TNFSF4: variants seen among roughly 807,000 people sequenced by gnomAD.
TNFSF4 encodes TNF superfamily member 4.
Under a neutral mutation model 7.3 loss-of-function variants are expected in TNFSF4, and 4 were observed. That is an observed-to-expected ratio of 0.55 (90% CI 0.27 to 1.25). The LOEUF (loss-of-function observed/expected upper bound fraction) is 1.25. Ranked by LOEUF, TNFSF4 falls within the 50% of genes most tolerant of loss-of-function variation. The pLI is 0.12. For missense variants in TNFSF4, 181 were observed against 208.8 expected (o/e 0.87, Z 0.82); for synonymous variants, 76 against 83.7 (o/e 0.91, Z 0.50).
the TNFSF4 span, among the ~76,000 whole-genome samples, chr1:173,298,592 C>A: frequency 6.6e-6 from 1 of 152,010 alleles, no homozygotes; most frequent in South Asian, 2.1e-4. Context: ...GCACTACTCT[C>A]AAATTTCAGG....
At chr1:173,434,669 C>T in the TNFSF4 span, among the ~76,000 whole-genome samples, 1 of 152,112 alleles carries the variant, frequency 6.6e-6, no homozygotes, top group Admixed American at 6.5e-5. Flanking sequence ...GCAAGGTATT[C>T]GATGCCATGG....
the TNFSF4 span, among the ~76,000 whole-genome samples, chr1:173,305,467 C>T: frequency 6.6e-6 from 1 of 151,812 alleles, no homozygotes; most frequent in Non-Finnish European, 1.5e-5. Flanking sequence ...TTGTGAAAGG[C>T]AGGCTTGGCC....
the TNFSF4 span, among the ~76,000 whole-genome samples, chr1:173,441,415 G>C: frequency 2.6e-5 from 4 of 152,266 alleles, no homozygotes; most frequent in South Asian, 8.3e-4. Flanking sequence ...CTGAGCTCAA[G>C]AGTTTGAGAC....
the TNFSF4 span, among the ~76,000 whole-genome samples, chr1:173,322,230 T>A: frequency 1.9e-4 from 29 of 151,930 alleles, no homozygotes; most frequent in Non-Finnish European, 3.7e-4. Context: ...AAACCAAACA[T>A]GACATATTCT....
chr1:173,289,836 A>G, the TNFSF4 span, among the ~76,000 whole-genome samples: 12 of 152,146 alleles, frequency 7.9e-5, 1 homozygote, highest in Non-Finnish European at 5.9e-5. Flanking sequence ...ACCTAAACCT[A>G]AGTACCAAGA....
At chr1:173,315,475 C>T in the TNFSF4 span, among the ~76,000 whole-genome samples, 3 of 151,896 alleles carry the variant, frequency 2.0e-5, no homozygotes, top group Non-Finnish European at 4.4e-5. Flanking sequence ...TTATGTTAAC[C>T]ACAGCCTGCT....
chr1:173,312,927 C>T, the TNFSF4 span, among the ~76,000 whole-genome samples: 1 of 152,096 alleles, frequency 6.6e-6, no homozygotes, highest in Non-Finnish European at 1.5e-5. Flanking sequence ...CAGATAAATA[C>T]TAGCTCTTTT....
the TNFSF4 span, among the ~76,000 whole-genome samples, chr1:173,341,143 G>T: frequency 6.6e-6 from 1 of 152,158 alleles, no homozygotes; most frequent in Non-Finnish European, 1.5e-5. Context: ...CCCCAGCCAT[G>T]CTGTACTGTG....
the TNFSF4 span, among the ~76,000 whole-genome samples, chr1:173,297,183 C>G: frequency 2.6e-5 from 4 of 151,946 alleles, no homozygotes; most frequent in Admixed American, 6.6e-5. Context: ...GCCAGCCTAT[C>G]CTTAGGGAGA....
At chr1:173,320,171 G>T in the TNFSF4 span, among the ~76,000 whole-genome samples, 1 of 152,164 alleles carries the variant, frequency 6.6e-6, no homozygotes, top group African/African-American at 2.4e-5. Context: ...TGCAAGGCTG[G>T]TTCAACACAC....
chr1:173,362,565 C>T, the TNFSF4 span: 1 of 532,822 alleles, frequency 1.9e-6, no homozygotes, highest in South Asian at 1.5e-5. Flanking sequence ...CCGATTCTCA[C>T]ACTAAGTTGT....
At chr1:173,262,301 C>T in the TNFSF4 span, among the ~76,000 whole-genome samples, 1 of 152,140 alleles carries the variant, frequency 6.6e-6, no homozygotes, top group Admixed American at 6.5e-5. Context: ...TAAAAACTCT[C>T]AATAAAATAG....
the TNFSF4 span, among the ~76,000 whole-genome samples, chr1:173,214,819 A>C: frequency 6.6e-6 from 1 of 152,072 alleles, no homozygotes; most frequent in Non-Finnish European, 1.5e-5. Context: ...TCCTGCGAAC[A>C]CTCTGCCTGG....
the TNFSF4 span, among the ~76,000 whole-genome samples, chr1:173,400,061 G>A: frequency 2.6e-5 from 4 of 152,338 alleles, no homozygotes; most frequent in Admixed American, 2.0e-4. Context: ...ACGCTTTTGC[G>A]AGAACTACCA....
the TNFSF4 span, among the ~76,000 whole-genome samples, chr1:173,347,839 T>C: frequency 6.6e-6 from 1 of 152,214 alleles, no homozygotes; most frequent in Admixed American, 6.5e-5. Flanking sequence ...CTGTGCATTA[T>C]AGAATTTAGG....
the TNFSF4 span, among the ~76,000 whole-genome samples, chr1:173,403,544 A>T: frequency 6.6e-6 from 1 of 152,230 alleles, no homozygotes; most frequent in Non-Finnish European, 1.5e-5. Context: ...CTACATACGT[A>T]ACAATTGAGA....
the TNFSF4 span, among the ~76,000 whole-genome samples, chr1:173,266,958 C>T: frequency 1.9e-4 from 29 of 152,016 alleles, 2 homozygotes; most frequent in African/African-American, 2.4e-5. Flanking sequence ...TTTTAAAACT[C>T]GTAGGAGCAA....
At chr1:173,254,367 T>C in the TNFSF4 span, among the ~76,000 whole-genome samples, 1 of 152,206 alleles carries the variant, frequency 6.6e-6, no homozygotes, top group African/African-American at 2.4e-5. Flanking sequence ...AAAAAATGGC[T>C]GATTATTAAT....
At chr1:173,392,979 A>T in the TNFSF4 span, among the ~76,000 whole-genome samples, 1 of 152,172 alleles carries the variant, frequency 6.6e-6, no homozygotes, top group Non-Finnish European at 1.5e-5. Context: ...TTCCTAACCC[A>T]GAGCCTAAAG....
Sources: gnomAD v4.1 joint callset for allele counts (sites outside exome capture counted in the v4.1 genomes callset) on GRCh38, gnomAD v4.1.1 for gene constraint, MANE v1.5 for transcripts, NCBI Gene and HGNC (gene_info 2026-07-23, HGNC 2026-07-21) for gene names.